DOCK3: variants seen among roughly 807,000 people sequenced by gnomAD.
DOCK3 encodes dedicator of cytokinesis 3.
DOCK3 carries 60 observed loss-of-function variants against 265.6 expected under a neutral mutation model. The observed-to-expected ratio is 0.23, with a 90% CI of 0.18 to 0.28. DOCK3 has a LOEUF of 0.28. Ranked by LOEUF, DOCK3 falls within the 10% of genes least tolerant of loss-of-function variation. DOCK3 has a pLI of 1.00. For synonymous variants in DOCK3, 881 were observed against 938.0 expected (o/e 0.94, Z 1.11); for missense variants, 1,981 against 2,594.3 (o/e 0.76, Z 5.14).
At chr3:50,762,267 A>C (rs1053481296) in intron 1 of DOCK3, among the ~76,000 whole-genome samples, 1 of 152,166 alleles carries the variant, frequency 6.6e-6, no homozygotes, top group Non-Finnish European at 1.5e-5. Context: ...AAAGAAAAAA[A>C]AAAGAATAGA....
intron 49 of DOCK3, among the ~76,000 whole-genome samples, chr3:51,366,699 C>T (rs2087205294): frequency 6.6e-6 from 1 of 152,176 alleles, no homozygotes; most frequent in Non-Finnish European, 1.5e-5. Context: ...TCTTTGTTCT[C>T]ATTGGTTTCA....
At chr3:51,252,578 A>G (rs2079312700) in intron 22 of DOCK3, among the ~76,000 whole-genome samples, 1 of 152,180 alleles carries the variant, frequency 6.6e-6, no homozygotes, top group African/African-American at 2.4e-5. Context: ...GGTCCTTCGC[A>G]TCCCTTGCTA....
chr3:50,823,623 C>T (rs1383513906), intron 2 of DOCK3, among the ~76,000 whole-genome samples: 1 of 152,218 alleles, frequency 6.6e-6, no homozygotes, highest in African/African-American at 2.4e-5. Context: ...CCTTTCCCCC[C>T]TTGCTATTCC....
At chr3:51,061,258 C>G (rs950425703) in intron 5 of DOCK3, among the ~76,000 whole-genome samples, 1 of 152,174 alleles carries the variant, frequency 6.6e-6, no homozygotes, top group Non-Finnish European at 1.5e-5. Context: ...AAGACACATA[C>G]ACACGTGTGT....
intron 30 of DOCK3, 108 bp from the exon 31 acceptor site, chr3:51,312,736 G>C: frequency 7.6e-7 from 1 of 1,320,382 alleles, no homozygotes; most frequent in South Asian, 1.4e-5. Flanking sequence ...TAGCGCATTG[G>C]GAAGCATTAG....
At chr3:50,984,474 T>A (rs1248783475) in intron 5 of DOCK3, among the ~76,000 whole-genome samples, 1 of 152,218 alleles carries the variant, frequency 6.6e-6, no homozygotes, top group Non-Finnish European at 1.5e-5. Context: ...TCTCTCATTT[T>A]TGAAGGATAG....
intron 3 of DOCK3, among the ~76,000 whole-genome samples, chr3:50,859,239 C>T (rs1413543146): frequency 2.9e-5 from 3 of 101,964 alleles, no homozygotes; most frequent in Non-Finnish European, 5.4e-5. Flanking sequence ...TTTTTTGAGA[C>T]GGAATCTGAC....
intron 5 of DOCK3, among the ~76,000 whole-genome samples, chr3:51,053,094 T>TATATATATATATATATAG (rs2081061221): frequency 1.2e-5 from 1 of 81,926 alleles, no homozygotes; most frequent in Non-Finnish European, 2.6e-5. Flanking sequence ...TATATATATA[T>TATATATATATATATATAG]ATATATATAT....
chr3:50,842,644 C>T (rs189037702), intron 3 of DOCK3, among the ~76,000 whole-genome samples: 49 of 152,116 alleles, frequency 3.2e-4, no homozygotes, highest in African/African-American at 9.9e-4. Context: ...GCCAGCAACC[C>T]TCTGTCCCTT....
At chr3:50,677,077 T>A (rs191448804) in intron 1 of DOCK3, among the ~76,000 whole-genome samples, 130 of 152,322 alleles carry the variant, frequency 8.5e-4, no homozygotes, top group African/African-American at 3.0e-3. Context: ...TAGGATTGTG[T>A]TTTTAGCTTT....
intron 5 of DOCK3, among the ~76,000 whole-genome samples, chr3:51,029,371 G>T (rs2079948882): frequency 6.6e-6 from 1 of 152,214 alleles, no homozygotes; most frequent in African/African-American, 2.4e-5. Flanking sequence ...TGCCATAAAA[G>T]CATGAAAAGC....
intron 9 of DOCK3, among the ~76,000 whole-genome samples, chr3:51,101,696 G>A (rs186384852): frequency 2.0e-5 from 3 of 152,118 alleles, no homozygotes; most frequent in Non-Finnish European, 4.4e-5. Flanking sequence ...ATGAACAAAT[G>A]ACTTATTATA....
chr3:50,735,967 T>A (rs1265817576), intron 1 of DOCK3, among the ~76,000 whole-genome samples: 1 of 152,222 alleles, frequency 6.6e-6, no homozygotes, highest in African/African-American at 2.4e-5. Context: ...TTGTTACATA[T>A]GTATACATGT....
chr3:50,939,141 T>G (rs2051556496), intron 5 of DOCK3, among the ~76,000 whole-genome samples: 1 of 152,048 alleles, frequency 6.6e-6, no homozygotes, highest in Non-Finnish European at 1.5e-5. Context: ...AAGAAAATAC[T>G]GTAAACAACT....
chr3:51,290,664 C>T (rs2081693118), intron 27 of DOCK3, among the ~76,000 whole-genome samples: 1 of 151,894 alleles, frequency 6.6e-6, no homozygotes, highest in South Asian at 2.1e-4. Context: ...TGCATATGTA[C>T]CCTAGAACTT....
intron 32 of DOCK3, 121 bp downstream of exon 32, chr3:51,315,249 T>C: frequency 1.6e-6 from 2 of 1,279,894 alleles, no homozygotes; most frequent in Non-Finnish European, 2.1e-6. Flanking sequence ...CTAATTTGAA[T>C]CCTGTTCAAG....
chr3:50,747,116 A>G (rs2039496922), intron 1 of DOCK3, among the ~76,000 whole-genome samples: 1 of 152,030 alleles, frequency 6.6e-6, no homozygotes, highest in Non-Finnish European at 1.5e-5. Context: ...CTGTCTTTAT[A>G]TGCATGGATT....
intron 9 of DOCK3, among the ~76,000 whole-genome samples, chr3:51,100,763 T>C (rs1382798323): frequency 1.3e-5 from 2 of 152,146 alleles, no homozygotes; most frequent in African/African-American, 2.4e-5. Context: ...GAAAAATTAG[T>C]TACTTCAACA....
intron 20 of DOCK3, among the ~76,000 whole-genome samples, chr3:51,236,916 G>A (rs1319670607): frequency 6.6e-6 from 1 of 152,150 alleles, no homozygotes; most frequent in Non-Finnish European, 1.5e-5. Flanking sequence ...AATGTTTAGT[G>A]CATTTTGCCT....
Sources: allele counts gnomAD v4.1 joint callset (sites outside exome capture counted in the v4.1 genomes callset), GRCh38; gene constraint gnomAD v4.1.1; transcripts MANE v1.5; gene names NCBI Gene and HGNC (gene_info 2026-07-23, HGNC 2026-07-21).